The following HNRNPA1 variants were observed in gnomAD, a reference collection of about 807,000 sequenced individuals.
The protein encoded by HNRNPA1 is heterogeneous nuclear ribonucleoprotein A1.
HNRNPA1 carries 7 observed loss-of-function variants against 44.4 expected under a neutral mutation model. The observed-to-expected ratio is 0.16, with a 90% CI of 0.09 to 0.30. The LOEUF is 0.30. HNRNPA1 is among the 10% of genes least tolerant of loss of function. The pLI is 1.00. For synonymous variants in HNRNPA1, 169 were observed against 160.6 expected (o/e 1.05, Z -0.40); for missense variants, 193 against 465.8 (o/e 0.41, Z 5.39).
In HNRNPA1 at chr12:54,282,867, T is replaced by G; in HGVS notation, c.744T>G (p.Gly248=). ...GTGGGGATGGCTATAATGGATTTGG[T>G]AATGATGGTAAGTTTTTTAGGAATA... ...GGSGDGYNGF[G]NDGGYGGGGP... Residue 248 remains glycine (G), a synonymous_variant, in exon 7 of 11, where the codon GGT becomes GGG. Coordinates refer to ENST00000340913, the MANE Select transcript of HNRNPA1 (RefSeq NM_031157.4). 6.4e-7 allele frequency: 1 copy of G among 1,550,534 alleles called. No individual in the cohort carries two copies.
In HNRNPA1 at chr12:54,286,989, A is replaced by C. The variant is rs975894586; in HGVS notation, c.*2445A>C. The C allele has an allele frequency of 1.3e-5, 2 of 152,052 alleles. No homozygotes were observed. The highest frequency in any genetic ancestry group is 4.8e-5 in the African/African-American group (2 of 41,388). 9.4% of individuals were successfully genotyped at this position (152,052 alleles called of 1,614,324 possible). A position where few individuals can be genotyped will look rare whatever the true frequency, so the allele number is the denominator to read the frequency against. On this transcript the variant is annotated 3_prime_UTR_variant, in exon 11 of 11. Coordinates refer to ENST00000340913, the MANE Select transcript of HNRNPA1 (RefSeq NM_031157.4). ...TGAAGACCTTTATCTGAGCCACTGTACTTCGTTATCACTGCCATGCAGTTT... is the reference window on the plus strand; with the variant it reads ...TGAAGACCTTTATCTGAGCCACTGTCCTTCGTTATCACTGCCATGCAGTTT...
chr12:54,282,754 A>T, intron 6 of HNRNPA1, 46 bp from the exon 7 acceptor site: 1 of 1,579,956 alleles, frequency 6.3e-7, no homozygotes, highest in Non-Finnish European at 8.6e-7. Context: ...TCAGAATGTC[A>T]CTTTAAGTCC....
At chr12:54,283,759 G>T in intron 8 of HNRNPA1, 53 bp from the exon 9 acceptor site, 1 of 1,557,034 alleles carries the variant, frequency 6.4e-7, no homozygotes, top group East Asian at 2.2e-5. Context: ...AACAGAATTG[G>T]AAACTAACAT....
chr12:54,282,823 G>A lies in HNRNPA1; in HGVS notation c.700G>A (p.Gly234Ser). The A allele has an allele frequency of 6.4e-7, 1 of 1,551,794 alleles. No homozygotes were observed. The highest frequency in any genetic ancestry group is 8.7e-7 in the Non-Finnish European group (1 of 1,147,024). Residue 234 changes from glycine (G) to serine (S), a missense_variant, in exon 7 of 11, where the codon GGT becomes AGT. This residue lies in a region of HNRNPA1 where 136 missense variants were observed against 234.4 expected (regional missense o/e 0.58). Transcript: ENST00000340913. The part of the protein sequence containing the change: ...GRGGFGGSRG[G>S]GGYGGSGDGY... ...AGGTGGCTTTGGTGGCAGCCGTGGT[G>A]GTGGTGGATATGGTGGCAGTGGGGA...
Position 54,284,329 on chromosome 12 carries a change from C to T in HNRNPA1, c.*4+12C>T. On this transcript the variant is annotated intron_variant, in intron 10 of 10. Coordinates refer to ENST00000340913, the MANE Select transcript of HNRNPA1 (RefSeq NM_031157.4). ...AAGATTTTAATTAGGTAAGTAAGCA[C>T]CTTTTTGTGTGTTGACATAATTTTT... 1 of 1,611,886 alleles carries T rather than the reference C, an allele frequency of 6.2e-7. No individual in the cohort carries two copies. Among genetic ancestry groups the T allele is most frequent in the African/African-American group, 1.3e-5 (1 of 74,968 alleles).
Position 54,280,835 on chromosome 12 carries a change from C to T in HNRNPA1, c.15+13C>T, listed in dbSNP as rs200455226. On this transcript the variant is annotated intron_variant, in intron 1 of 10. Transcript: ENST00000340913. ...GTCTAAGTCAGAGGTGAGTTAGGCG[C>T]GCTTTCCCACTTGAATTTTTTCCTC... 3.0e-5 allele frequency: 49 copies of T among 1,614,048 alleles called. No homozygotes were observed. In the East Asian group the frequency reaches 1.0e-3, roughly 33 times the overall value.
Position 54,286,626 on chromosome 12 carries a change from C to G in HNRNPA1, c.*2082C>G, listed in dbSNP as rs1944267436. 1.3e-5 allele frequency: 2 copies of G among 152,052 alleles called. No homozygotes were observed. The highest frequency in any genetic ancestry group is 6.6e-5 in the Admixed American group (1 of 15,264). The allele number at this position is 152,052 out of a possible 1,614,324, so 9.4% of individuals were successfully genotyped here. On this transcript the variant is annotated 3_prime_UTR_variant, in exon 11 of 11. Coordinates refer to ENST00000340913, the MANE Select transcript of HNRNPA1 (RefSeq NM_031157.4). ...GGTTTAGCTTGAGATGGGACTTGGT[C>G]TTAGAGCTAGTTCTAAAGGTTGTTT...
intron 1 of HNRNPA1, chr12:54,281,084 A>G (rs545336320): frequency 6.0e-5 from 42 of 702,168 alleles, no homozygotes; most frequent in African/African-American, 5.1e-4. Context: ...CTTTTTTTAA[A>G]CCTTGCCTTG....
chr12:54,282,338 A>G, intron 4 of HNRNPA1, 38 bp downstream of exon 4: 1 of 1,610,618 alleles, frequency 6.2e-7, no homozygotes. Flanking sequence ...AGGGTTCCAC[A>G]ATCTGTATGG....
At chr12:54,281,212 A>G (rs1171889316) in intron 1 of HNRNPA1, 174 bp from the exon 2 acceptor site, 1 of 703,154 alleles carries the variant, frequency 1.4e-6, no homozygotes, top group Non-Finnish European at 2.6e-6. Flanking sequence ...GCGATTTCCT[A>G]GCACTCCCAA....
At position 54,283,157 on chromosome 12, in the gene HNRNPA1, A is replaced by G; in HGVS notation, c.830A>G (p.Gln277Arg). The change falls in exon 8 of 11, where the codon CAG (glutamine) becomes CGG (arginine). Residue 277 changes from glutamine to arginine, a missense_variant. This residue lies in a region of HNRNPA1 where 136 missense variants were observed against 234.4 expected (regional missense o/e 0.58). Coordinates refer to ENST00000340913, the MANE Select transcript of HNRNPA1 (RefSeq NM_031157.4). ...AGTGGTGGACAGGGTTATGGAAACC[A>G]GGGCAGTGGCTATGGCGGGAGTGGC... ...YGSGGQGYGN[Q>R]GSGYGGSGSY... The G allele has an allele frequency of 6.2e-7, 1 of 1,613,684 alleles. No individual in the cohort carries two copies. Among genetic ancestry groups the G allele is most frequent in the Non-Finnish European group, 8.5e-7 (1 of 1,179,752 alleles).
rs1944254038 is a variant in HNRNPA1, at chr12:54,285,714, C to T, written c.*1170C>T. On this transcript the variant is annotated 3_prime_UTR_variant, in exon 11 of 11. Coordinates refer to ENST00000340913, the MANE Select transcript of HNRNPA1 (RefSeq NM_031157.4). The stretch of plus-strand genomic sequence containing the variant: ...TTTCTAAACCTTTAACAGTTAATAT[C>T]CAATAATGTGTTATTTGTACATAGA... 1 of 152,124 alleles carries T rather than the reference C, an allele frequency of 6.6e-6. No individual in the cohort carries two copies. Among genetic ancestry groups the T allele is most frequent in the African/African-American group, 2.4e-5 (1 of 41,410 alleles). 9.4% of individuals were successfully genotyped at this position (152,124 alleles called of 1,614,324 possible).
chr12:54,282,555 T>TA lies in HNRNPA1; in HGVS notation c.584-15dup. 6.2e-7 allele frequency: 1 copy of TA among 1,613,052 alleles called. No individual in the cohort carries two copies. ...ACTCCAGTATGAATGATTTAATGCT[T>TA]AAACTTCATGTCTTAAGGTCGAAGT... On this transcript the variant is annotated splice_polypyrimidine_tract_variant and intron_variant, in intron 5 of 10. Coordinates refer to ENST00000340913, the MANE Select transcript of HNRNPA1 (RefSeq NM_031157.4).
chr12:54,284,485 T>C (rs936308845), intron 10 of HNRNPA1, 64 bp from the exon 11 acceptor site: 22 of 741,352 alleles, frequency 3.0e-5, no homozygotes, highest in Admixed American at 1.8e-4. Flanking sequence ...AAACTTGATA[T>C]TGGATTGTAG....
rs372669710 is a variant in HNRNPA1, at chr12:54,282,391, T to C, written c.491-3T>C. On this transcript the variant is annotated splice_polypyrimidine_tract_variant and splice_region_variant and intron_variant, in intron 4 of 10. Coordinates refer to ENST00000340913, the MANE Select transcript of HNRNPA1 (RefSeq NM_031157.4). ...CCATGTTGTATCTATGTTTTTTTTT[T>C]AGTTCAGAAATACCATACTGTGAAT... The C allele has an allele frequency of 1.9e-6, 3 of 1,613,216 alleles. No individual in the cohort carries two copies. Among genetic ancestry groups the C allele is most frequent in the South Asian group, 1.1e-5 (1 of 91,056 alleles).
chr12:54,281,628 C>G (rs1363583474), intron 2 of HNRNPA1, 126 bp downstream of exon 2: 2 of 1,004,486 alleles, frequency 2.0e-6, no homozygotes, highest in African/African-American at 1.6e-5. Context: ...GGCAAAGGAA[C>G]GTCCTGCTTT....
At chr12:54,283,670 T>C in intron 8 of HNRNPA1, 142 bp from the exon 9 acceptor site, 1 of 807,086 alleles carries the variant, frequency 1.2e-6, no homozygotes, top group Non-Finnish European at 2.1e-6. Flanking sequence ...TCCCAGAGAA[T>C]GAAATGCAAA....
At chr12:54,281,640 AT>A (rs2137041356) in intron 2 of HNRNPA1, 138 bp downstream of exon 2, 1 of 1,030,716 alleles carries the variant, frequency 9.7e-7, no homozygotes, top group Non-Finnish European at 1.5e-6. Flanking sequence ...TCCTGCTTTG[AT>A]TTTAAAAGCT....
chr12:54,283,235 GTA>G lies in HNRNPA1; in HGVS notation c.907+2_907+3del. 1 of 1,611,058 alleles carries G rather than the reference GTA, an allele frequency of 6.2e-7. No homozygotes were observed. The highest frequency in any genetic ancestry group is 8.5e-7 in the Non-Finnish European group (1 of 1,178,630). On this transcript the variant is annotated splice_donor_variant and splice_donor_region_variant and intron_variant, in intron 8 of 10. Transcript: ENST00000340913. LOFTEE classifies it high-confidence loss of function. ...GGAGGCGGCTTTGGCGGTGGTAGTG[GTA>G]GGTATCCAGTGATCCAAGTACTTGG...
Sources: allele counts gnomAD v4.1 joint callset, GRCh38; gene constraint gnomAD v4.1.1; regional missense constraint gnomAD v4.1.1; transcripts MANE v1.5; gene names NCBI Gene and HGNC (gene_info 2026-07-23, HGNC 2026-07-21).